Variants in OCA2 observed in about 807,000 individuals in gnomAD.
OCA2 encodes the protein P protein.
Under a neutral mutation model 100.2 loss-of-function variants are expected in OCA2, and 77 were observed. The ratio of observed to expected loss-of-function variants is 0.77; its 90% confidence interval spans 0.64 to 0.93. The LOEUF (loss-of-function observed/expected upper bound fraction) is 0.93. OCA2 is among the 40% of genes least tolerant of loss of function. The pLI is 0.00. For missense variants in OCA2, 1,062 were observed against 1,089.1 expected (o/e 0.98, Z 0.35); for synonymous variants, 432 against 439.2 (o/e 0.98, Z 0.21).
intron 1 of OCA2, among the ~76,000 whole-genome samples, chr15:28,094,708 T>C (rs1185593966): frequency 1.3e-5 from 2 of 152,158 alleles, no homozygotes; most frequent in South Asian, 2.1e-4. Flanking sequence ...ACTCGGGCCC[T>C]GCGAGGTGGG....
In OCA2 at chr15:27,951,896, T is replaced by C. The variant is rs1319423986; in HGVS notation, c.1843-4A>G. On this transcript the variant is annotated splice_region_variant and splice_polypyrimidine_tract_variant and intron_variant, in intron 17 of 23. Coordinates refer to ENST00000354638, the MANE Select transcript of OCA2 (RefSeq NM_000275.3). The stretch of plus-strand genomic sequence containing the variant: ...GAATCCCGTCAGATATCCTATGCTG[T>C]AAGAGAGAAACCACAGCTCATTTAC... 3 of 1,601,592 alleles carry C rather than the reference T, an allele frequency of 1.9e-6. No homozygotes were observed. Among genetic ancestry groups the C allele is most frequent in the Admixed American group, 3.3e-5 (2 of 60,006 alleles).
At chr15:27,774,779 CAGAG>C (rs1238602919) in intron 23 of OCA2, among the ~76,000 whole-genome samples, 4 of 152,156 alleles carry the variant, frequency 2.6e-5, no homozygotes, top group Admixed American at 2.0e-4. Context: ...TCTAGACACA[CAGAG>C]AGGCAGCCGG....
At chr15:28,020,946 G>C (rs373126782) in intron 6 of OCA2, among the ~76,000 whole-genome samples, 24 of 152,192 alleles carry the variant, frequency 1.6e-4, no homozygotes, top group East Asian at 1.4e-3. Context: ...GGGTGTCCTG[G>C]GAAGATGTAG....
At chr15:27,910,014 T>A (rs1567092805) in intron 19 of OCA2, among the ~76,000 whole-genome samples, 1 of 152,004 alleles carries the variant, frequency 6.6e-6, no homozygotes, top group East Asian at 1.9e-4. Context: ...TTGAACAGTG[T>A]GAAACAAAGA....
rs927095686 is a variant in OCA2 at position 28,053,484 on chromosome 15, T to C, written c.228-21321A>G. ...AGGCCCTCAAAGTGACCCTGGCTGA[T>C]TCCAAGCATTTCTCAAGGCATCACC... On this transcript the variant is annotated intron_variant, in intron 2 of 23. Transcript: ENST00000354638. 2.0e-5 allele frequency among the ~76,000 whole-genome samples: 3 copies of C among 152,276 alleles called. No individual in the cohort carries two copies. The South Asian group carries it at 6.2e-4, about 32-fold the overall frequency.
chr15:27,791,494 T>G (rs2033078041), intron 23 of OCA2, among the ~76,000 whole-genome samples: 1 of 152,112 alleles, frequency 6.6e-6, no homozygotes, highest in Non-Finnish European at 1.5e-5. Context: ...CAGTGGTTGC[T>G]CGGGGGAAGG....
chr15:28,069,280 A>G (rs73377768), intron 2 of OCA2, among the ~76,000 whole-genome samples: 37,135 of 150,866 alleles, frequency 0.25, 9,120 homozygotes, highest in African/African-American at 0.64. Flanking sequence ...TTTCTATACA[A>G]CAATAAAGTC....
chr15:27,781,551 A>G (rs2032540088), intron 23 of OCA2, among the ~76,000 whole-genome samples: 1 of 152,232 alleles, frequency 6.6e-6, no homozygotes, highest in Admixed American at 6.5e-5. Flanking sequence ...TTAAATCTCC[A>G]CAGGTTAAAC....
intron 14 of OCA2, among the ~76,000 whole-genome samples, chr15:27,970,716 A>C (rs1349413265): frequency 6.7e-6 from 1 of 150,090 alleles, no homozygotes; most frequent in Non-Finnish European, 1.5e-5. Flanking sequence ...TGCTGGGAAA[A>C]CGTGAAAAAC....
At chr15:28,038,975 G>T (rs565620144) in intron 2 of OCA2, among the ~76,000 whole-genome samples, 26 of 152,326 alleles carry the variant, frequency 1.7e-4, no homozygotes, top group Non-Finnish European at 3.5e-4. Flanking sequence ...AAAGTGAAAG[G>T]ATGAGAAAAG....
At chr15:27,795,147 C>G (rs1182550729) in intron 23 of OCA2, among the ~76,000 whole-genome samples, 1 of 152,086 alleles carries the variant, frequency 6.6e-6, no homozygotes, top group Non-Finnish European at 1.5e-5. Context: ...ATACTGGTGC[C>G]CAGGAAAACC....
At chr15:27,768,836 T>C (rs997965142) in intron 23 of OCA2, among the ~76,000 whole-genome samples, 3 of 152,336 alleles carry the variant, frequency 2.0e-5, no homozygotes, top group African/African-American at 7.2e-5. Flanking sequence ...GGCAGCTCTT[T>C]CCCTGGCACT....
intron 19 of OCA2, among the ~76,000 whole-genome samples, chr15:27,913,897 AAGCAAGCAAGCAAGCAAGCAAGCAAGC>A (rs1567098656): frequency 0.038 from 1,365 of 35,686 alleles, 272 homozygotes; most frequent in East Asian, 0.18. Context: ...GAAAGAAAGC[AAGCAAGCAAGCAAGCAAGCAAGCAAGC>A]AAGCAAGAAA....
chr15:28,015,132 G>A (rs72712653), intron 8 of OCA2, among the ~76,000 whole-genome samples: 242 of 152,310 alleles, frequency 1.6e-3, no homozygotes, highest in Non-Finnish European at 2.6e-3. Flanking sequence ...ACTGGTCCAA[G>A]CAGGCCCCTC....
intron 5 of OCA2, among the ~76,000 whole-genome samples, chr15:28,024,423 T>C (rs1236382185): frequency 6.6e-6 from 1 of 152,194 alleles, no homozygotes; most frequent in Non-Finnish European, 1.5e-5. Context: ...CACTTACCGC[T>C]GGGCAGAGGC....
intron 19 of OCA2, among the ~76,000 whole-genome samples, chr15:27,881,131 T>A (rs2036996509): frequency 6.6e-6 from 1 of 152,220 alleles, no homozygotes; most frequent in South Asian, 2.1e-4. Flanking sequence ...GTGGTTTTTA[T>A]CTTTAGTTCT....
chr15:27,986,760 A>C (rs1344867428), intron 11 of OCA2, 117 bp from the exon 12 acceptor site: 1 of 771,100 alleles, frequency 1.3e-6, no homozygotes, highest in East Asian at 2.4e-5. Flanking sequence ...CACATCACCA[A>C]GCTCCTCACT....
At chr15:28,038,129 G>A (rs993723545) in intron 2 of OCA2, among the ~76,000 whole-genome samples, 4 of 151,566 alleles carry the variant, frequency 2.6e-5, no homozygotes, top group South Asian at 2.1e-4. Context: ...TCTTGTTTGC[G>A]GCCTGTTTTC....
At chr15:28,062,454 C>T (rs561321776) in intron 2 of OCA2, among the ~76,000 whole-genome samples, 6 of 152,190 alleles carry the variant, frequency 3.9e-5, no homozygotes, top group East Asian at 1.9e-4. Context: ...ATATATATTC[C>T]GAATACTAGT....
Sources: allele counts gnomAD v4.1 joint callset (sites outside exome capture counted in the v4.1 genomes callset), GRCh38; gene constraint gnomAD v4.1.1; transcripts MANE v1.5; gene names NCBI Gene and HGNC (gene_info 2026-07-23, HGNC 2026-07-21).